Variants in IGF2BP3 observed in about 807,000 individuals in gnomAD.
IGF2BP3 encodes insulin-like growth factor 2 mRNA-binding protein 3.
IGF2BP3 carries 9 observed loss-of-function variants against 73.8 expected under a neutral mutation model. The ratio of observed to expected loss-of-function variants is 0.12; its 90% CI spans 0.07 to 0.21. The LOEUF (loss-of-function observed/expected upper bound fraction) is 0.21, where lower values mean the gene tolerates loss of function less well. IGF2BP3 is among the 10% of genes least tolerant of loss of function. The probability of loss-of-function intolerance (pLI) is 1.00; values close to 1 mark genes in which losing one functional copy is unlikely to be tolerated. For missense variants in IGF2BP3, 542 were observed against 714.0 expected (o/e 0.76, Z 2.75); for synonymous variants, 258 against 256.7 (o/e 1.01, Z -0.05).
intron 6 of IGF2BP3, among the ~76,000 whole-genome samples, chr7:23,350,365 C>T (rs1379826214): frequency 6.6e-6 from 1 of 152,224 alleles, no homozygotes; most frequent in East Asian, 1.9e-4. Flanking sequence ...AAGGCTTGCA[C>T]AATGGTATTT....
At chr7:23,358,247 C>G (rs902812937) in intron 5 of IGF2BP3, among the ~76,000 whole-genome samples, 1 of 152,194 alleles carries the variant, frequency 6.6e-6, no homozygotes, top group African/African-American at 2.4e-5. Context: ...GAATTGAACT[C>G]TTAACCTCCA....
At chr7:23,415,099 G>A (rs1480067101) in intron 3 of IGF2BP3, 1 of 218,248 alleles carries the variant, frequency 4.6e-6, no homozygotes, top group Non-Finnish European at 9.3e-6. Flanking sequence ...CACATTAGCA[G>A]GTCCCGTCCG....
chr7:23,319,685 C>G (rs1018010035), intron 10 of IGF2BP3, among the ~76,000 whole-genome samples: 1 of 152,148 alleles, frequency 6.6e-6, no homozygotes, highest in African/African-American at 2.4e-5. Flanking sequence ...AGCTCCACAC[C>G]TTATCTATGT....
chr7:23,404,761 G>T (rs984935460), intron 3 of IGF2BP3, among the ~76,000 whole-genome samples: 1 of 151,874 alleles, frequency 6.6e-6, no homozygotes, highest in East Asian at 1.9e-4. Context: ...GGCAAGTGGG[G>T]GGTGGGGGTG....
At position 23,351,361 on chromosome 7, in the gene IGF2BP3, G is replaced by A. The variant is rs780045802; in HGVS notation, c.627C>T (p.Ala209=). The change falls in exon 6 of 15, where the codon GCC becomes GCT. Residue 209 remains alanine, a synonymous_variant. Coordinates refer to ENST00000258729, the MANE Select transcript of IGF2BP3 (RefSeq NM_006547.3). The part of the protein sequence containing the change: ...RLLVPTQFVG[A]IIGKEGATIR... Reference sequence around the variant, plus strand: ...TGGTGGCACCTTCTTTTCCTATGATGGCTCCAACAAATTGGGTGGGAACCA... The same window carrying A: ...TGGTGGCACCTTCTTTTCCTATGATAGCTCCAACAAATTGGGTGGGAACCA... 2 of 1,613,836 alleles carry A rather than the reference G, an allele frequency of 1.2e-6. No homozygotes were observed. Among genetic ancestry groups the A allele is most frequent in the Non-Finnish European group, 1.7e-6 (2 of 1,179,910 alleles).
intron 3 of IGF2BP3, among the ~76,000 whole-genome samples, chr7:23,396,833 C>G (rs922029339): frequency 6.6e-6 from 1 of 152,172 alleles, no homozygotes; most frequent in Non-Finnish European, 1.5e-5. Flanking sequence ...GAATTTCAGC[C>G]AAAGGACAAA....
Position 23,345,932 on chromosome 7 carries a change from G to A in IGF2BP3, c.941+8C>T. ...AGTTTTCTTATTCAAAAGCAAAGGA[G>A]CACTCACGGAGATATCGTGATTTTA... On this transcript the variant is annotated splice_region_variant and intron_variant, in intron 8 of 14. Coordinates refer to ENST00000258729, the MANE Select transcript of IGF2BP3 (RefSeq NM_006547.3). 1 of 1,610,408 alleles carries A rather than the reference G, an allele frequency of 6.2e-7. No homozygotes were observed. Among genetic ancestry groups the A allele is most frequent in the Non-Finnish European group, 8.5e-7 (1 of 1,179,608 alleles).
chr7:23,386,001 G>A (rs906010849), intron 3 of IGF2BP3, among the ~76,000 whole-genome samples: 7 of 152,100 alleles, frequency 4.6e-5, no homozygotes, highest in African/African-American at 1.4e-4. Flanking sequence ...AGAGATACAT[G>A]CTGAAATAAT....
chr7:23,344,001 C>G, intron 8 of IGF2BP3, 148 bp from the exon 9 acceptor site: 1 of 706,806 alleles, frequency 1.4e-6, no homozygotes, highest in Admixed American at 3.0e-5. Context: ...AATGAGTAAG[C>G]CCCAAAAGAC....
chr7:23,459,764 G>A (rs1182220193), intron 2 of IGF2BP3, among the ~76,000 whole-genome samples: 1 of 152,088 alleles, frequency 6.6e-6, no homozygotes, highest in Non-Finnish European at 1.5e-5. Context: ...CTGAGAGGAG[G>A]AGGTTGCAGT....
At chr7:23,430,496 C>CA (rs1282840857) in intron 2 of IGF2BP3, among the ~76,000 whole-genome samples, 5 of 152,256 alleles carry the variant, frequency 3.3e-5, no homozygotes, top group African/African-American at 7.2e-5. Flanking sequence ...CACTTGGTGG[C>CA]ACTCTGTACC....
chr7:23,345,820 T>C, intron 8 of IGF2BP3, 120 bp downstream of exon 8: 2 of 1,149,408 alleles, frequency 1.7e-6, no homozygotes, highest in East Asian at 2.4e-5. Flanking sequence ...AGAAACCATG[T>C]GTAAGTACGG....
chr7:23,384,616 C>T (rs934954525), intron 3 of IGF2BP3, among the ~76,000 whole-genome samples: 8 of 152,016 alleles, frequency 5.3e-5, no homozygotes, highest in African/African-American at 1.7e-4. Context: ...AGGCACTGGG[C>T]GAGGTGGCTC....
chr7:23,362,938 A>G (rs1785269388), intron 3 of IGF2BP3, among the ~76,000 whole-genome samples: 1 of 151,720 alleles, frequency 6.6e-6, no homozygotes, highest in Non-Finnish European at 1.5e-5. Flanking sequence ...AATTTTTTGT[A>G]GAGATGAGGT....
chr7:23,378,301 A>C (rs1785791064), intron 3 of IGF2BP3, among the ~76,000 whole-genome samples: 1 of 151,718 alleles, frequency 6.6e-6, no homozygotes, highest in Admixed American at 6.6e-5. Flanking sequence ...TTTTAGAATC[A>C]GGAAGAAAAT....
intron 10 of IGF2BP3, among the ~76,000 whole-genome samples, chr7:23,328,349 C>G (rs1008063418): frequency 1.3e-5 from 2 of 152,184 alleles, no homozygotes; most frequent in African/African-American, 4.8e-5. Flanking sequence ...GCTGGGATTA[C>G]AGGCGTGTGC....
chr7:23,437,722 A>C (rs1254808585), intron 2 of IGF2BP3, among the ~76,000 whole-genome samples: 1 of 152,190 alleles, frequency 6.6e-6, no homozygotes, highest in African/African-American at 2.4e-5. Flanking sequence ...ACTGCAATTT[A>C]ACAACAAACT....
intron 3 of IGF2BP3, among the ~76,000 whole-genome samples, chr7:23,364,024 A>C (rs961877573): frequency 6.6e-6 from 1 of 151,996 alleles, no homozygotes; most frequent in African/African-American, 2.4e-5. Flanking sequence ...GTATCACCTG[A>C]GGTCAGGAGT....
At chr7:23,441,214 T>C (rs1787923999) in intron 2 of IGF2BP3, among the ~76,000 whole-genome samples, 2 of 152,096 alleles carry the variant, frequency 1.3e-5, no homozygotes, top group Admixed American at 1.3e-4. Context: ...GAAGGATCGC[T>C]TGAGGCCAGG....
Sources: gnomAD v4.1 joint callset for allele counts (sites outside exome capture counted in the v4.1 genomes callset) on GRCh38, gnomAD v4.1.1 for gene constraint, MANE v1.5 for transcripts, NCBI Gene and HGNC (gene_info 2026-07-23, HGNC 2026-07-21) for gene names.